CXorf38: variants seen among roughly 807,000 people sequenced by gnomAD.
CXorf38 encodes chromosome X open reading frame 38, also known as uncharacterized protein CXorf38.
Under a neutral mutation model 27.5 loss-of-function variants are expected in CXorf38, and 13 were observed. The observed-to-expected ratio is 0.47, with a 90% CI of 0.31 to 0.75. The LOEUF (loss-of-function observed/expected upper bound fraction) is 0.75, where lower values mean the gene tolerates loss of function less well. CXorf38 is among the 30% of genes least tolerant of loss of function. The probability of loss-of-function intolerance (pLI) is 0.05; values close to 1 mark genes in which losing one functional copy is unlikely to be tolerated. For missense variants in CXorf38, 240 were observed against 253.2 expected, an observed-to-expected ratio of 0.95 and a Z score of 0.35; for synonymous variants, 100 against 99.8, an observed-to-expected ratio of 1.00 and a Z score of -0.01.
chrX:40,634,481 T>A (rs1927973911), intron 5 of CXorf38, among the ~76,000 whole-genome samples: 1 of 112,689 alleles, frequency 8.9e-6, no homozygotes, highest in Non-Finnish European at 1.9e-5. Context: ...GGATGCACAC[T>A]TTTTCCTATT....
intron 2 of CXorf38, among the ~76,000 whole-genome samples, chrX:40,641,132 A>C (rs1015217417): frequency 9.1e-6 from 1 of 110,359 alleles, no homozygotes; most frequent in Non-Finnish European, 1.9e-5. Flanking sequence ...TGGGAAGATC[A>C]CTTGAGCCCA....
At chrX:40,639,304 T>C in intron 2 of CXorf38, 176 bp from the exon 3 acceptor site, 1 of 446,339 alleles carries the variant, frequency 2.2e-6, no homozygotes, top group Non-Finnish European at 3.8e-6. Context: ...CAGCTAAACC[T>C]TGGCCAAGGG....
chrX:40,636,580 G>C lies in CXorf38; in HGVS notation c.754C>G (p.Gln252Glu). 1 of 1,205,324 alleles carries C rather than the reference G, an allele frequency of 8.3e-7. No homozygotes were observed. The highest frequency in any genetic ancestry group is 1.8e-5 in the South Asian group (1 of 56,706). The change falls in exon 5 of 7, where the codon CAA (glutamine) becomes GAA (glutamate). Residue 252 changes from glutamine to glutamate, a missense_variant. Coordinates refer to ENST00000327877, the MANE Select transcript of CXorf38 (RefSeq NM_144970.3). ...TCTTCTGCTTGAAGATATATCTCTT[G>C]AAGTTTCTCCTTTAGTAACTGCATT... ...IEMQLLKEKLQEIYLQAEEQE... is the reference protein window; with the variant it reads ...IEMQLLKEKLEEIYLQAEEQE...
chrX:40,638,278 G>A (rs1928161794), intron 3 of CXorf38, among the ~76,000 whole-genome samples: 1 of 112,361 alleles, frequency 8.9e-6, no homozygotes, highest in Non-Finnish European at 1.9e-5. Context: ...TACTATGACA[G>A]TTCTTTGTTT....
chrX:40,630,537 C>T (rs1398658872), intron 6 of CXorf38, 77 bp downstream of exon 6: 8 of 964,611 alleles, frequency 8.3e-6, no homozygotes, highest in Admixed American at 2.7e-5. Flanking sequence ...TTCATGATGG[C>T]CTCACATGAG....
intron 2 of CXorf38, among the ~76,000 whole-genome samples, chrX:40,643,515 C>CT (rs1197410275): frequency 3.5e-4 from 37 of 106,085 alleles, no homozygotes; most frequent in East Asian, 8.8e-4. Context: ...TCTTTCTTTT[C>CT]TTTTTTTTTT....
intron 5 of CXorf38, among the ~76,000 whole-genome samples, chrX:40,631,241 A>G (rs868614328): frequency 1.8e-5 from 1 of 56,568 alleles, no homozygotes; most frequent in Non-Finnish European, 3.2e-5. Flanking sequence ...ATATGTGTGT[A>G]TGTATATATA....
chrX:40,641,295 C>T (rs73198001), intron 2 of CXorf38, among the ~76,000 whole-genome samples: 5,376 of 111,829 alleles, frequency 0.048, 137 homozygotes, highest in Admixed American at 0.095. Flanking sequence ...TTAGTCACCT[C>T]CGAATCAGGT....
chrX:40,633,250 G>A (rs1927910058), intron 5 of CXorf38, among the ~76,000 whole-genome samples: 1 of 110,482 alleles, frequency 9.1e-6, no homozygotes, highest in African/African-American at 3.3e-5. Context: ...GGCTCACAAG[G>A]CCCAGTAGGA....
At chrX:40,640,744 A>T (rs753899809) in intron 2 of CXorf38, among the ~76,000 whole-genome samples, 1 of 110,733 alleles carries the variant, frequency 9.0e-6, no homozygotes, top group African/African-American at 3.3e-5. Context: ...GTTCAAGACC[A>T]GCCTGGCCAA....
intron 2 of CXorf38, among the ~76,000 whole-genome samples, chrX:40,645,540 AGTGGAAAAAAAT>A (rs1388936222): frequency 9.0e-6 from 1 of 110,919 alleles, no homozygotes; most frequent in Non-Finnish European, 1.9e-5. Context: ...CTATGGCTGC[AGTGGAAAAAAAT>A]GGGGAAGATG....
intron 5 of CXorf38, 109 bp from the exon 6 acceptor site, chrX:40,630,882 G>A (rs1006262095): frequency 4.2e-6 from 3 of 720,321 alleles, no homozygotes; most frequent in African/African-American, 4.3e-5. Context: ...ACGTGCCCAA[G>A]AGACAGAAAT....
chrX:40,631,640 A>G (rs189809570), intron 5 of CXorf38, among the ~76,000 whole-genome samples: 131 of 111,857 alleles, frequency 1.2e-3, no homozygotes, highest in Middle Eastern at 4.6e-3. Context: ...CTCAACTGCA[A>G]GTTAAGTCAG....
At chrX:40,638,426 T>C (rs1438356205) in intron 3 of CXorf38, among the ~76,000 whole-genome samples, 1 of 112,086 alleles carries the variant, frequency 8.9e-6, no homozygotes, top group African/African-American at 3.2e-5. Flanking sequence ...GTAATAAATG[T>C]ATGAGTTGTT....
chrX:40,634,660 T>G (rs189012364), intron 5 of CXorf38, among the ~76,000 whole-genome samples: 1 of 112,180 alleles, frequency 8.9e-6, no homozygotes, highest in African/African-American at 3.2e-5. Context: ...CTTTGGCAAC[T>G]AACCCTAAAG....
intron 2 of CXorf38, among the ~76,000 whole-genome samples, 183 bp downstream of exon 2, chrX:40,646,824 G>C (rs1928603353): frequency 9.0e-6 from 1 of 111,481 alleles, no homozygotes; most frequent in East Asian, 2.8e-4. Flanking sequence ...ACGGGTAGAA[G>C]AAAGCTTCTA....
At chrX:40,631,305 G>A (rs941972775) in intron 5 of CXorf38, among the ~76,000 whole-genome samples, 5 of 105,808 alleles carry the variant, frequency 4.7e-5, no homozygotes, top group Admixed American at 1.0e-4. Context: ...ATGTGTGTGT[G>A]TGTATATTTT....
chrX:40,637,891 C>T (rs960852842), intron 3 of CXorf38, among the ~76,000 whole-genome samples: 1 of 111,313 alleles, frequency 9.0e-6, no homozygotes, highest in Non-Finnish European at 1.9e-5. Context: ...GTGTTCAATC[C>T]CCAGCCACAT....
intron 2 of CXorf38, 46 bp from the exon 3 acceptor site, chrX:40,639,174 TAGG>T (rs753819936): frequency 1.7e-6 from 2 of 1,148,717 alleles, no homozygotes; most frequent in Non-Finnish European, 2.4e-6. Flanking sequence ...CTTCCAACTC[TAGG>T]AGATGGAAAG....
Sources: allele counts gnomAD v4.1 joint callset (sites outside exome capture counted in the v4.1 genomes callset), GRCh38; gene constraint gnomAD v4.1.1; transcripts MANE v1.5; gene names NCBI Gene and HGNC (gene_info 2026-07-23, HGNC 2026-07-21).